The following GLIS3 variants were observed in gnomAD, a reference collection of about 807,000 sequenced individuals.
GLIS3 encodes zinc finger protein GLIS3.
A neutral mutation model predicts 78.6 loss-of-function variants in GLIS3; 53 were observed. The observed-to-expected ratio is 0.67, with a 90% CI of 0.54 to 0.85. The LOEUF is 0.85. GLIS3 is among the 40% of genes least tolerant of loss of function. The pLI, the probability that GLIS3 is intolerant of heterozygous loss-of-function variation, is 0.00. For synonymous variants in GLIS3, 684 were observed against 509.9 expected, an observed-to-expected ratio of 1.34 and a Z score of -4.60; for missense variants, 1,703 against 1,231.1, an observed-to-expected ratio of 1.38 and a Z score of -5.74.
chr9:3,951,495 G>C (rs879836756), intron 4 of GLIS3, among the ~76,000 whole-genome samples: 4 of 151,642 alleles, frequency 2.6e-5, no homozygotes, highest in Admixed American at 6.6e-5. Context: ...TTTAGTTAAA[G>C]AATGTATGCT....
intron 4 of GLIS3, among the ~76,000 whole-genome samples, chr9:4,089,239 T>G (rs765393232): frequency 3.3e-5 from 5 of 152,180 alleles, no homozygotes; most frequent in Non-Finnish European, 5.9e-5. Context: ...AATGGAACAG[T>G]ACTAACAAGA....
rs189679764 is a variant in GLIS3 at position 4,066,899 on chromosome 9, G to A, written c.1710+50869C>T. On this transcript the variant is annotated intron_variant, in intron 4 of 10. Transcript: ENST00000381971. Reference sequence around the variant, plus strand: ...CCAGTACCCCAGCGGGCATCTTTCCGTGGATCAGCCCCGGCTCACTGACAC... The same window carrying A: ...CCAGTACCCCAGCGGGCATCTTTCCATGGATCAGCCCCGGCTCACTGACAC... 1.2e-3 allele frequency among the ~76,000 whole-genome samples: 184 copies of A among 152,292 alleles called. 1 individual carries two copies. Among genetic ancestry groups the A allele is most frequent in the Admixed American group, 5.6e-3 (86 of 15,294 alleles).
chr9:4,479,904 CTT>C, the GLIS3 span, among the ~76,000 whole-genome samples: 27 of 108,728 alleles, frequency 2.5e-4, no homozygotes, highest in Non-Finnish European at 3.0e-4. Context: ...ATTTCTTCTT[CTT>C]TTTTTTTTTT....
At chr9:3,838,229 A>G (rs1359094568) in intron 9 of GLIS3, among the ~76,000 whole-genome samples, 2 of 152,172 alleles carry the variant, frequency 1.3e-5, no homozygotes, top group Non-Finnish European at 2.9e-5. Flanking sequence ...TTCAATATGT[A>G]TTTGTTGACT....
intron 2 of GLIS3, among the ~76,000 whole-genome samples, chr9:4,334,873 G>A (rs1047395262): frequency 6.8e-6 from 1 of 147,698 alleles, no homozygotes; most frequent in Admixed American, 6.7e-5. Flanking sequence ...ACTACAATAA[G>A]AGCAGCTCTC....
At chr9:4,180,584 C>G (rs973980613) in intron 2 of GLIS3, among the ~76,000 whole-genome samples, 1 of 152,162 alleles carries the variant, frequency 6.6e-6, no homozygotes, top group Non-Finnish European at 1.5e-5. Context: ...TTTCTGTAAA[C>G]TTTCTCTTTC....
At chr9:4,108,634 G>A (rs1227749575) in intron 4 of GLIS3, among the ~76,000 whole-genome samples, 1 of 152,148 alleles carries the variant, frequency 6.6e-6, no homozygotes, top group African/African-American at 2.4e-5. Flanking sequence ...AAAAGAGTCA[G>A]CAGTGACAAT....
chr9:4,087,821 CTTCAGT>C (rs2130734508), intron 4 of GLIS3, among the ~76,000 whole-genome samples: 1 of 152,240 alleles, frequency 6.6e-6, no homozygotes, highest in East Asian at 1.9e-4. Flanking sequence ...TCCATGAAGC[CTTCAGT>C]TTCTTCCCAC....
At chr9:3,961,514 C>T (rs890996312) in intron 4 of GLIS3, among the ~76,000 whole-genome samples, 3 of 152,160 alleles carry the variant, frequency 2.0e-5, no homozygotes, top group East Asian at 3.8e-4. Context: ...GAATAACATT[C>T]GTTGAAAGTT....
At chr9:4,483,240 T>A in the GLIS3 span, among the ~76,000 whole-genome samples, 2 of 152,204 alleles carry the variant, frequency 1.3e-5, no homozygotes, top group African/African-American at 4.8e-5. Context: ...AAGCAGCAGT[T>A]ACAGAGGATT....
chr9:4,155,314 G>A (rs1158053296), intron 2 of GLIS3, among the ~76,000 whole-genome samples: 1 of 152,186 alleles, frequency 6.6e-6, no homozygotes, highest in African/African-American at 2.4e-5. Flanking sequence ...TGATTGTGCA[G>A]CAAATGACAT....
chr9:3,868,957 A>G (rs1416122021), intron 8 of GLIS3, among the ~76,000 whole-genome samples: 1 of 152,098 alleles, frequency 6.6e-6, no homozygotes, highest in Non-Finnish European at 1.5e-5. Context: ...CTCTTTCTGT[A>G]TGCATCCACA....
At chr9:4,109,209 T>G (rs1033901618) in intron 4 of GLIS3, among the ~76,000 whole-genome samples, 1 of 152,196 alleles carries the variant, frequency 6.6e-6, no homozygotes, top group Non-Finnish European at 1.5e-5. Flanking sequence ...AAGCTCAGCA[T>G]AATGAGCACC....
chr9:4,016,128 A>G (rs761645516), intron 4 of GLIS3, among the ~76,000 whole-genome samples: 10 of 152,158 alleles, frequency 6.6e-5, no homozygotes, highest in Non-Finnish European at 1.5e-4. Context: ...AAAATGGGTC[A>G]TGTTTTCCAC....
At chr9:4,259,887 A>C (rs1018376252) in intron 2 of GLIS3, among the ~76,000 whole-genome samples, 1 of 152,214 alleles carries the variant, frequency 6.6e-6, no homozygotes, top group East Asian at 1.9e-4. Flanking sequence ...AAACGGAGAA[A>C]ATGTGTTTTC....
intron 6 of GLIS3, among the ~76,000 whole-genome samples, chr9:3,917,352 T>G (rs991034840): frequency 6.6e-6 from 1 of 152,210 alleles, no homozygotes; most frequent in Non-Finnish European, 1.5e-5. Context: ...TGAGGCCAAG[T>G]TAGGCACCCA....
intron 2 of GLIS3, among the ~76,000 whole-genome samples, chr9:4,130,934 C>T (rs1284950895): frequency 1.3e-5 from 2 of 152,198 alleles, no homozygotes; most frequent in Non-Finnish European, 2.9e-5. Flanking sequence ...CAGGGCTGCA[C>T]CCCACAAAGC....
chr9:4,170,371 C>T (rs920099664), intron 2 of GLIS3, among the ~76,000 whole-genome samples: 1 of 152,164 alleles, frequency 6.6e-6, no homozygotes, highest in Admixed American at 6.5e-5. Flanking sequence ...ATGAGTGAAG[C>T]TGGGCTGGTC....
chr9:4,413,889 G>A, the GLIS3 span, among the ~76,000 whole-genome samples: 212 of 152,166 alleles, frequency 1.4e-3, no homozygotes, highest in Non-Finnish European at 2.3e-3. Flanking sequence ...TGAGGTTCTG[G>A]CTATCCAAAT....
Sources: gnomAD v4.1 joint callset for allele counts (sites outside exome capture counted in the v4.1 genomes callset) on GRCh38, gnomAD v4.1.1 for gene constraint, MANE v1.5 for transcripts, NCBI Gene and HGNC (gene_info 2026-07-23, HGNC 2026-07-21) for gene names.